Variants in MARVELD2 observed in about 807,000 individuals in gnomAD.
MARVELD2 encodes the protein MARVEL domain containing 2.
A neutral mutation model predicts 57.6 loss-of-function variants in MARVELD2; 49 were observed. The observed-to-expected ratio is 0.85, with a 90% CI of 0.68 to 1.08. The LOEUF (loss-of-function observed/expected upper bound fraction) is 1.08, where lower values mean the gene tolerates loss of function less well. MARVELD2 is among the 50% of genes least tolerant of loss of function. The probability of loss-of-function intolerance (pLI) is 0.00; values close to 1 mark genes in which losing one functional copy is unlikely to be tolerated. For synonymous variants in MARVELD2, 238 were observed against 258.8 expected (o/e 0.92, Z 0.77); for missense variants, 606 against 701.1 (o/e 0.86, Z 1.53).
chr5:69,438,061 G>A (rs776836726), intron 5 of MARVELD2, among the ~76,000 whole-genome samples: 8 of 152,176 alleles, frequency 5.3e-5, no homozygotes, highest in Non-Finnish European at 8.8e-5. Flanking sequence ...GGAGTCCACA[G>A]GCTCATTCGT....
In MARVELD2 at chr5:69,441,798, C is replaced by T; in HGVS notation, c.*144C>T. 1.7e-6 allele frequency: 1 copy of T among 572,806 alleles called. No individual in the cohort carries two copies. The highest frequency in any genetic ancestry group is 3.1e-6 in the Non-Finnish European group (1 of 322,746). The allele number at this position is 572,806 out of a possible 1,614,324, so 35.5% of individuals were successfully genotyped here. On this transcript the variant is annotated 3_prime_UTR_variant, in exon 7 of 7. Coordinates refer to ENST00000325631, the MANE Select transcript of MARVELD2 (RefSeq NM_001038603.3). Reference sequence around the variant, plus strand: ...CCCGGGTTCAAGCAATTCTCCTGTTCAAGCAATTAGCCTCCCCAGTAGCTG... The same window carrying T: ...CCCGGGTTCAAGCAATTCTCCTGTTTAAGCAATTAGCCTCCCCAGTAGCTG...
rs1767337082 is a variant in MARVELD2, at chr5:69,441,794, T to C, written c.*140T>C. 1 of 588,540 alleles carries C rather than the reference T, an allele frequency of 1.7e-6. No individual in the cohort carries two copies. The highest frequency in any genetic ancestry group is 3.5e-5 in the East Asian group (1 of 28,876). The allele number at this position is 588,540 out of a possible 1,614,324, so 36.5% of individuals were successfully genotyped here. A position where few individuals can be genotyped will look rare whatever the true frequency, so the allele number is the denominator to read the frequency against. ...ACCTCCCGGGTTCAAGCAATTCTCC[T>C]GTTCAAGCAATTAGCCTCCCCAGTA... On this transcript the variant is annotated 3_prime_UTR_variant, in exon 7 of 7. Coordinates refer to ENST00000325631, the MANE Select transcript of MARVELD2 (RefSeq NM_001038603.3).
intron 5 of MARVELD2, among the ~76,000 whole-genome samples, chr5:69,435,104 C>T (rs1040775525): frequency 6.7e-6 from 1 of 150,270 alleles, no homozygotes; most frequent in African/African-American, 2.5e-5. Flanking sequence ...CTCACTGCAA[C>T]CTTTGCCTCC....
intron 6 of MARVELD2, among the ~76,000 whole-genome samples, chr5:69,440,784 T>C (rs1767302839): frequency 6.6e-6 from 1 of 152,200 alleles, no homozygotes; most frequent in South Asian, 2.1e-4. Flanking sequence ...TCTAACTTAA[T>C]CTCAAAATCA....
chr5:69,420,621 C>A, intron 2 of MARVELD2, 90 bp downstream of exon 2: 2 of 1,232,072 alleles, frequency 1.6e-6, no homozygotes, highest in Non-Finnish European at 2.3e-6. Flanking sequence ...GCGCTCAAAA[C>A]AGAAAGCTTT....
intron 1 of MARVELD2, among the ~76,000 whole-genome samples, chr5:69,418,250 T>A (rs902051246): frequency 1.2e-4 from 19 of 152,106 alleles, no homozygotes; most frequent in Admixed American, 3.9e-4. Context: ...AATGAAAAAA[T>A]TTTTTTAAGT....
At position 69,420,329 on chromosome 5, in the gene MARVELD2, C is replaced by G; in HGVS notation, c.944C>G (p.Thr315Ser). The change falls in exon 2 of 7, where the codon ACC becomes AGC. Residue 315 changes from threonine (T) to serine (S), a missense_variant. Thr to Ser is a moderately conservative substitution (Grantham distance 58). Coordinates refer to ENST00000325631, the MANE Select transcript of MARVELD2 (RefSeq NM_001038603.3). The part of the protein sequence containing the change: ...MAAAIVYVND[T>S]NRGGLCYYPL... ...GCAGCCATAGTCTATGTGAATGATA[C>G]CAACCGAGGTGGCCTCTGCTACTAT... The G allele has an allele frequency of 1.2e-6, 2 of 1,614,156 alleles. No homozygotes were observed. The highest frequency in any genetic ancestry group is 1.7e-6 in the Non-Finnish European group (2 of 1,180,034).
rs955959016 is a variant in MARVELD2 at position 69,420,105 on chromosome 5, C to T, written c.720C>T (p.Gly240=). 1.2e-6 allele frequency: 2 copies of T among 1,613,942 alleles called. No individual in the cohort carries two copies. Among genetic ancestry groups the T allele is most frequent in the African/African-American group, 2.7e-5 (2 of 74,884 alleles). ...PYGMGGVGGL[G]SMYGGYYYTG... is the part of the protein sequence containing the mutation. ...GCATGGGAGGCGTTGGTGGATTGGG[C>T]AGTATGTATGGGGGCTATTACTACA... is the stretch of plus-strand genomic sequence containing the variant. Residue 240 remains glycine, a synonymous_variant, in exon 2 of 7, where the codon GGC becomes GGT. Coordinates refer to ENST00000325631, the MANE Select transcript of MARVELD2 (RefSeq NM_001038603.3).
intron 5 of MARVELD2, among the ~76,000 whole-genome samples, chr5:69,437,960 G>A (rs887555487): frequency 1.3e-5 from 2 of 152,120 alleles, no homozygotes; most frequent in African/African-American, 4.8e-5. Flanking sequence ...TATTATCAGT[G>A]TATCCTCCAG....
chr5:69,432,816 T>C lies in MARVELD2; in HGVS notation c.1332-106T>C, dbSNP rs551786762. On this transcript the variant is annotated intron_variant, in intron 4 of 6. Coordinates refer to ENST00000325631, the MANE Select transcript of MARVELD2 (RefSeq NM_001038603.3). ...TAGTTGTTATCTGAGAGGTAATGTA[T>C]TGAATTGAAGGTACAATATGATCAG... 4.5e-6 allele frequency: 7 copies of C among 1,544,092 alleles called. No homozygotes were observed. The Admixed American group carries it at 1.2e-4, about 26-fold the overall frequency.
rs1766582826 is a variant in MARVELD2 at position 69,420,321 on chromosome 5, G to T, written c.936G>T (p.Val312=). The T allele has an allele frequency of 6.2e-7, 1 of 1,614,186 alleles. No individual in the cohort carries two copies. Among genetic ancestry groups the T allele is most frequent in the East Asian group, 2.2e-5 (1 of 44,882 alleles). The change falls in exon 2 of 7, where the codon GTG becomes GTT. Residue 312 remains valine, a synonymous_variant. Transcript: ENST00000325631. ...ILYMAAAIVY[V]NDTNRGGLCY... ...ATATGGCCGCAGCCATAGTCTATGT[G>T]AATGATACCAACCGAGGTGGCCTCT... is the stretch of plus-strand genomic sequence containing the variant.
At chr5:69,439,574 CA>C (rs1242262204) in intron 5 of MARVELD2, among the ~76,000 whole-genome samples, 1 of 151,472 alleles carries the variant, frequency 6.6e-6, no homozygotes, top group Non-Finnish European at 1.5e-5. Context: ...GGAAACATGG[CA>C]AAACTCCATC....
In MARVELD2 at chr5:69,432,966, A is replaced by C; in HGVS notation, c.1376A>C (p.Lys459Thr). ...ACAGATGATGAGCGAGAACGCTATA[A>C]AGCTGTGTTCCAAGACCAGTTTTCA... ...IQTDDERERY[K>T]AVFQDQFSEY... The change falls in exon 5 of 7, where the codon AAA becomes ACA. Residue 459 changes from lysine to threonine, a missense_variant. Lys to Thr is a moderately conservative substitution (Grantham distance 78). Transcript: ENST00000325631. 6.2e-7 allele frequency: 1 copy of C among 1,614,178 alleles called. No homozygotes were observed. Among genetic ancestry groups the C allele is most frequent in the African/African-American group, 1.3e-5 (1 of 75,038 alleles).
At chr5:69,430,678 C>T (rs544379597) in intron 3 of MARVELD2, among the ~76,000 whole-genome samples, 47 of 151,980 alleles carry the variant, frequency 3.1e-4, no homozygotes, top group African/African-American at 9.4e-4. Flanking sequence ...GGATTACAGG[C>T]GCACACCACC....
In MARVELD2 at chr5:69,442,716, C is replaced by T. The variant is rs1484223037; in HGVS notation, c.*1062C>T. On this transcript the variant is annotated 3_prime_UTR_variant, in exon 7 of 7. Transcript: ENST00000325631. ...TGGTGCTTCACTGTGGCTCTGTGGC[C>T]CCTGGGGTTCCACATGGCCTCCCTG... The T allele has an allele frequency of 6.6e-6, 1 of 152,224 alleles. No homozygotes were observed. Among genetic ancestry groups the T allele is most frequent in the African/African-American group, 2.4e-5 (1 of 41,418 alleles). The allele number at this position is 152,224 out of a possible 1,614,324, so 9.4% of individuals were successfully genotyped here.
intron 6 of MARVELD2, 50 bp from the exon 7 acceptor site, chr5:69,441,482 T>G (rs190582379): frequency 1.5e-4 from 239 of 1,596,810 alleles, no homozygotes; most frequent in Non-Finnish European, 1.9e-4. Context: ...TTTCTGTGTT[T>G]TTCACTGAGG....
intron 1 of MARVELD2, chr5:69,418,930 T>G (rs1339075023): frequency 6.3e-6 from 1 of 158,140 alleles, no homozygotes; most frequent in Non-Finnish European, 1.4e-5. Context: ...ATTTCTTTTT[T>G]TTTTTCTTTT....
At chr5:69,420,696 G>A (rs1766603488) in intron 2 of MARVELD2, among the ~76,000 whole-genome samples, 165 bp downstream of exon 2, 1 of 149,350 alleles carries the variant, frequency 6.7e-6, no homozygotes, top group Admixed American at 6.7e-5. Flanking sequence ...AAGTCCTAGT[G>A]CAATATCTGA....
intron 2 of MARVELD2, among the ~76,000 whole-genome samples, 172 bp from the exon 3 acceptor site, chr5:69,424,429 C>T (rs1235326736): frequency 1.3e-5 from 2 of 152,140 alleles, no homozygotes; most frequent in Non-Finnish European, 2.9e-5. Flanking sequence ...TCCCTCTTCT[C>T]AGTTCTCCAC....
Sources: gnomAD v4.1 joint callset for allele counts (sites outside exome capture counted in the v4.1 genomes callset) on GRCh38, gnomAD v4.1.1 for gene constraint, MANE v1.5 for transcripts, NCBI Gene and HGNC (gene_info 2026-07-23, HGNC 2026-07-21) for gene names.